The following LARGE1 variants were observed in gnomAD, a reference collection of about 807,000 sequenced individuals.
LARGE1 encodes the protein LARGE xylosyl- and glucuronyltransferase 1.
A neutral mutation model predicts 87.6 loss-of-function variants in LARGE1; 43 were observed. That is an observed-to-expected ratio of 0.49 (90% confidence interval 0.38 to 0.63). The LOEUF (loss-of-function observed/expected upper bound fraction) is 0.63. Ranked by LOEUF, LARGE1 falls within the 30% of genes least tolerant of loss-of-function variation. The probability of loss-of-function intolerance (pLI) is 0.00; values close to 1 mark genes in which losing one functional copy is unlikely to be tolerated. For synonymous variants in LARGE1, 434 were observed against 394.6 expected (o/e 1.10, Z -1.18); for missense variants, 802 against 1,000.2 (o/e 0.80, Z 2.67).
intron 7 of LARGE1, among the ~76,000 whole-genome samples, chr22:33,408,965 G>A (rs932064082): frequency 2.0e-5 from 3 of 152,192 alleles, no homozygotes; most frequent in Non-Finnish European, 4.4e-5. Flanking sequence ...TGCTAGAGGT[G>A]AGTCTGTTTG....
At chr22:33,898,698 G>A (rs560773259) in intron 1 of LARGE1, among the ~76,000 whole-genome samples, 2 of 152,218 alleles carry the variant, frequency 1.3e-5, no homozygotes, top group Non-Finnish European at 2.9e-5. Flanking sequence ...AGGTTGTGGT[G>A]AGCCGAGATT....
chr22:33,356,115 C>G (rs1443542912), intron 9 of LARGE1, among the ~76,000 whole-genome samples: 2 of 152,174 alleles, frequency 1.3e-5, no homozygotes, highest in Admixed American at 1.3e-4. Context: ...AAAATGCTGT[C>G]ATAGGGTAAA....
intron 2 of LARGE1, among the ~76,000 whole-genome samples, chr22:33,652,660 C>G (rs1165514814): frequency 6.6e-6 from 1 of 152,160 alleles, no homozygotes; most frequent in Non-Finnish European, 1.5e-5. Flanking sequence ...TCCTTCCTGC[C>G]CAGACCCCTG....
At chr22:33,439,464 C>T (rs1365569083) in intron 6 of LARGE1, among the ~76,000 whole-genome samples, 1 of 152,152 alleles carries the variant, frequency 6.6e-6, no homozygotes, top group Non-Finnish European at 1.5e-5. Flanking sequence ...ACATCTGTCC[C>T]TTCGCTGATG....
In LARGE1 at chr22:33,603,575, C is replaced by T. The variant is rs143131093; in HGVS notation, c.615+860G>A. Among the ~76,000 whole-genome samples, 496 of 152,136 alleles carry T rather than the reference C, an allele frequency of 3.3e-3. 1 individual carries two copies. The highest frequency in any genetic ancestry group is 0.011 in the African/African-American group (465 of 41,520). ...GGCACTGCAGCTGAGTCCTGAAGTA[C>T]GAACAGGAGTTGTGGCAAGATAGGT... On this transcript the variant is annotated intron_variant, in intron 5 of 14. Coordinates refer to ENST00000397394, the MANE Select transcript of LARGE1 (RefSeq NM_133642.5).
At chr22:33,662,422 C>T (rs146407782) in intron 2 of LARGE1, among the ~76,000 whole-genome samples, 1 of 152,288 alleles carries the variant, frequency 6.6e-6, no homozygotes, top group African/African-American at 2.4e-5. Flanking sequence ...TACCCCATCT[C>T]CTCTACAGTC....
At chr22:33,149,429 C>T in the LARGE1 span, among the ~76,000 whole-genome samples, 3 of 152,038 alleles carry the variant, frequency 2.0e-5, no homozygotes, top group East Asian at 5.8e-4. Flanking sequence ...ATGAATCATG[C>T]TTTGGTGTTT....
chr22:33,880,530 G>A (rs957100792), intron 1 of LARGE1, among the ~76,000 whole-genome samples: 6 of 152,208 alleles, frequency 3.9e-5, no homozygotes, highest in East Asian at 1.9e-4. Flanking sequence ...TGCCATGTGC[G>A]GCCTGAAGGG....
At chr22:33,302,388 T>C (rs914818029) in intron 12 of LARGE1, among the ~76,000 whole-genome samples, 2 of 152,158 alleles carry the variant, frequency 1.3e-5, no homozygotes, top group South Asian at 4.1e-4. Context: ...CTGACCCTAC[T>C]GTTTTTAACA....
intron 1 of LARGE1, among the ~76,000 whole-genome samples, chr22:33,825,182 C>T (rs2062744013): frequency 6.6e-6 from 1 of 152,126 alleles, no homozygotes; most frequent in Admixed American, 6.5e-5. Flanking sequence ...TATGGAGGAG[C>T]CCCAAATGAC....
intron 2 of LARGE1, among the ~76,000 whole-genome samples, chr22:33,705,554 T>C (rs891276028): frequency 1.3e-5 from 2 of 152,188 alleles, no homozygotes; most frequent in African/African-American, 2.4e-5. Context: ...CCCATTTCAC[T>C]GATGAGGAAA....
intron 7 of LARGE1, among the ~76,000 whole-genome samples, chr22:33,408,749 G>A (rs1458550120): frequency 2.2e-5 from 3 of 139,030 alleles, no homozygotes; most frequent in African/African-American, 3.1e-5. Context: ...AAAACCCAGC[G>A]TGGGACATAC....
At chr22:33,549,921 C>T (rs1490532715) in intron 6 of LARGE1, among the ~76,000 whole-genome samples, 3 of 152,134 alleles carry the variant, frequency 2.0e-5, no homozygotes, top group Non-Finnish European at 4.4e-5. Flanking sequence ...CTACAAAGGA[C>T]ACGAACTCAC....
upstream of LARGE1, among the ~76,000 whole-genome samples, chr22:33,920,953 G>A (rs1273680931): frequency 6.7e-6 from 1 of 149,038 alleles, no homozygotes; most frequent in African/African-American, 2.4e-5. Flanking sequence ...GCTCCGGGCT[G>A]GCCCCGCCGC....
chr22:33,397,387 T>C (rs1177263884), intron 7 of LARGE1, among the ~76,000 whole-genome samples: 1 of 152,236 alleles, frequency 6.6e-6, no homozygotes, highest in Non-Finnish European at 1.5e-5. Flanking sequence ...AGTGCTGGGA[T>C]TACAGGCATG....
At chr22:33,775,829 G>A (rs2085216837) in intron 1 of LARGE1, among the ~76,000 whole-genome samples, 2 of 145,826 alleles carry the variant, frequency 1.4e-5, no homozygotes, top group South Asian at 4.5e-4. Flanking sequence ...TCCAGCCTGG[G>A]TGACAGAACA....
intron 9 of LARGE1, among the ~76,000 whole-genome samples, chr22:33,364,920 T>C (rs11914078): frequency 0.074 from 11,231 of 152,062 alleles, 485 homozygotes; most frequent in South Asian, 0.14. Context: ...GGTCTCAAAC[T>C]CCTGGGCTCA....
At chr22:33,417,307 T>C (rs1344887657) in intron 7 of LARGE1, among the ~76,000 whole-genome samples, 1 of 152,234 alleles carries the variant, frequency 6.6e-6, no homozygotes, top group Non-Finnish European at 1.5e-5. Context: ...CCTAGGAATA[T>C]GGAATGTTTC....
At chr22:33,226,884 C>T (rs913871606) in intron 11 of LARGE1, among the ~76,000 whole-genome samples, 7 of 152,002 alleles carry the variant, frequency 4.6e-5, no homozygotes, top group African/African-American at 1.4e-4. Flanking sequence ...CGCCTGCCGC[C>T]GCGCCTGGCT....
Sources: gnomAD v4.1 joint callset for allele counts (sites outside exome capture counted in the v4.1 genomes callset) on GRCh38, gnomAD v4.1.1 for gene constraint, MANE v1.5 for transcripts, NCBI Gene and HGNC (gene_info 2026-07-23, HGNC 2026-07-21) for gene names.